The following GPM6B variants were observed in gnomAD, a reference collection of about 807,000 sequenced individuals.
The protein encoded by GPM6B is glycoprotein M6B, also known as neuronal membrane glycoprotein M6-b.
Under a neutral mutation model 27.2 loss-of-function variants are expected in GPM6B, and 4 were observed. The observed-to-expected ratio is 0.15, with a 90% CI of 0.07 to 0.34. GPM6B has a LOEUF of 0.34. Among genes scored for constraint, GPM6B ranks in the 10% least tolerant of loss-of-function variants. GPM6B has a pLI of 1.00. For missense variants in GPM6B, 183 were observed against 261.9 expected, an observed-to-expected ratio of 0.70 and a Z score of 2.08; for synonymous variants, 124 against 103.1, an observed-to-expected ratio of 1.20 and a Z score of -1.23.
intron 7 of GPM6B, among the ~76,000 whole-genome samples, chrX:13,775,963 A>G (rs1346994224): frequency 8.9e-6 from 1 of 112,839 alleles, no homozygotes; most frequent in Non-Finnish European, 1.9e-5. Flanking sequence ...CTAAGTGCTC[A>G]GTGCAACAAG....
chrX:13,777,247 T>G lies in GPM6B; in HGVS notation c.771+105A>C, dbSNP rs906983156. 1.6e-5 allele frequency: 9 copies of G among 575,262 alleles called. No homozygotes were observed. The African/African-American group carries it at 1.6e-4, about 10-fold the overall frequency. The allele number at this position is 575,262 out of a possible 1,213,427, so 47.4% of individuals were successfully genotyped here. ...CTTAAAGATTCTAAACAAGGAGCTT[T>G]CCTTAATGGCATTTTAACCATCTCT... On this transcript the variant is annotated intron_variant, in intron 6 of 7. Transcript: ENST00000316715.
In GPM6B at chrX:13,844,992, C is replaced by CT. The variant is rs11332362; in HGVS notation, c.-197-59185dup. On this transcript the variant is annotated intron_variant, in intron 1 of 6. Transcript: ENST00000398361. ...TATTTTCAGAACGTTTTTTCTTTTT[C>CT]TTTTTTTTTTTTTTTGAGACGGAGT... Among the ~76,000 whole-genome samples, 772 of 92,752 alleles carry CT rather than the reference C, an allele frequency of 8.3e-3. 7 individuals carry two copies. Among genetic ancestry groups the CT allele is most frequent in the Non-Finnish European group, 9.7e-3 (457 of 47,070 alleles). The allele number at this position is 92,752 out of a possible 115,157, so 80.5% of individuals were successfully genotyped here. A position where few individuals can be genotyped will look rare whatever the true frequency, so the allele number is the denominator to read the frequency against.
Position 13,790,499 on chromosome X carries a change from T to G in GPM6B, c.182-4691A>C, listed in dbSNP as rs111881909. ...GGGGTGATTTGTGTGCACATGAAAA[T>G]TTGAGAAGCCCATTTCTAGTCAACA... On this transcript the variant is annotated intron_variant, in intron 2 of 7. Transcript: ENST00000316715. Among the ~76,000 whole-genome samples, 509 of 111,353 alleles carry G rather than the reference T, an allele frequency of 4.6e-3. 4 individuals are homozygous for G. Among genetic ancestry groups the G allele is most frequent in the African/African-American group, 0.016 (480 of 30,631 alleles).
At chrX:13,869,877 C>T (rs1014914364) in intron 1 of GPM6B, among the ~76,000 whole-genome samples, 11 of 112,004 alleles carry the variant, frequency 9.8e-5, no homozygotes, top group African/African-American at 3.6e-4. Flanking sequence ...TGGATTTCAC[C>T]AGTTTTCCCA....
rs758165801 is a variant in GPM6B at position 13,816,512 on chromosome X, T to C, written c.61+332A>G. On this transcript the variant is annotated intron_variant, in intron 1 of 7. Transcript: ENST00000316715. ...AACTACACATTCCACGTTCCTGGAA[T>C]ATAACATGCAGGACACAAGACCTAA... 1.3e-4 allele frequency among the ~76,000 whole-genome samples: 15 copies of C among 111,689 alleles called. No individual in the cohort carries two copies. The East Asian group carries it at 4.2e-3, about 31-fold the overall frequency.
At chrX:13,793,162 G>A (rs1209606538) in intron 2 of GPM6B, among the ~76,000 whole-genome samples, 1 of 111,024 alleles carries the variant, frequency 9.0e-6, no homozygotes, top group Non-Finnish European at 1.9e-5. Context: ...GCTACCTGGA[G>A]GCTTCACCTA....
chrX:13,826,918 T>C (rs184867638), intron 1 of GPM6B, among the ~76,000 whole-genome samples: 13 of 110,558 alleles, frequency 1.2e-4, no homozygotes, highest in African/African-American at 4.0e-4. Context: ...GGGCCCCCAA[T>C]TAACTCATCT....
At chrX:13,826,748 G>GT (rs896371807) in intron 1 of GPM6B, among the ~76,000 whole-genome samples, 62 of 104,665 alleles carry the variant, frequency 5.9e-4, no homozygotes, top group South Asian at 3.4e-3. Context: ...TTGTTTTTTT[G>GT]TTTTTTTTTT....
At chrX:13,778,208 C>G (rs937047493) in intron 5 of GPM6B, among the ~76,000 whole-genome samples, 1 of 110,473 alleles carries the variant, frequency 9.1e-6, no homozygotes, top group African/African-American at 3.3e-5. Flanking sequence ...GCCGCCATGC[C>G]CAGCTAAGTT....
intron 1 of GPM6B, among the ~76,000 whole-genome samples, chrX:13,829,299 T>C (rs2049411404): frequency 9.0e-6 from 1 of 111,667 alleles, no homozygotes; most frequent in Admixed American, 9.5e-5. Flanking sequence ...GTGACCTTCC[T>C]GAGTTTCAGC....
In GPM6B at chrX:13,834,161, G is replaced by C. The variant is rs145724574; in HGVS notation, c.-197-48353C>G. ...CATCCAGCTCATCTTTCCTTTTCCA[G>C]TCTGTAATCAGGATGGATAGGACTA... On this transcript the variant is annotated intron_variant, in intron 1 of 6. Coordinates refer to the GPM6B transcript ENST00000398361. Among the ~76,000 whole-genome samples the C allele has an allele frequency of 7.4e-3, 835 of 112,684 alleles. 4 individuals are homozygous for C. Among genetic ancestry groups the C allele is most frequent in the African/African-American group, 0.025 (791 of 31,061 alleles).
chrX:13,791,135 G>GA (rs1483031362), intron 2 of GPM6B, among the ~76,000 whole-genome samples: 1 of 111,139 alleles, frequency 9.0e-6, no homozygotes, highest in Non-Finnish European at 1.9e-5. Flanking sequence ...ACGTGAACGA[G>GA]AAAAAATAAG....
chrX:13,905,664 C>A (rs1055722428), intron 1 of GPM6B, among the ~76,000 whole-genome samples: 2 of 111,549 alleles, frequency 1.8e-5, no homozygotes, highest in African/African-American at 6.5e-5. Flanking sequence ...CTGGGTAATT[C>A]TGATTTTTTA....
chrX:13,818,192 C>T (rs771381029), upstream of GPM6B, among the ~76,000 whole-genome samples: 1 of 112,448 alleles, frequency 8.9e-6, no homozygotes, highest in South Asian at 3.7e-4. Flanking sequence ...GGCTGACCAA[C>T]TGGCCTTCGC....
intron 1 of GPM6B, among the ~76,000 whole-genome samples, chrX:13,826,241 T>A (rs16979290): frequency 0.085 from 9,376 of 109,968 alleles, 610 homozygotes; most frequent in African/African-American, 0.21. Flanking sequence ...GGGCTGAGTT[T>A]CCAGGGGCAC....
At chrX:13,886,561 C>G (rs1296493643) in intron 1 of GPM6B, among the ~76,000 whole-genome samples, 1 of 106,772 alleles carries the variant, frequency 9.4e-6, no homozygotes, top group African/African-American at 3.5e-5. Context: ...AAGACATTTC[C>G]TCTCTTAGCC....
At chrX:13,867,682 T>C (rs1166034877) in intron 1 of GPM6B, among the ~76,000 whole-genome samples, 2 of 111,067 alleles carry the variant, frequency 1.8e-5, no homozygotes, top group African/African-American at 3.3e-5. Context: ...AACAACAAAA[T>C]TACCAGATGC....
chrX:13,814,169 C>T (rs887882516), intron 1 of GPM6B, among the ~76,000 whole-genome samples: 3 of 112,379 alleles, frequency 2.7e-5, no homozygotes, highest in Admixed American at 9.4e-5. Context: ...ACTAGAAAAG[C>T]AAGGTCAATT....
At chrX:13,774,907 G>A (rs1025570420) in intron 7 of GPM6B, among the ~76,000 whole-genome samples, 13 of 112,090 alleles carry the variant, frequency 1.2e-4, no homozygotes, top group Non-Finnish European at 1.7e-4. Flanking sequence ...GCATGAGAAG[G>A]ATGAAGCTAA....
Sources: allele counts gnomAD v4.1 joint callset (sites outside exome capture counted in the v4.1 genomes callset), GRCh38; gene constraint gnomAD v4.1.1; transcripts MANE v1.5; gene names NCBI Gene and HGNC (gene_info 2026-07-23, HGNC 2026-07-21).